BICD1: variants seen among roughly 807,000 people sequenced by gnomAD.
BICD1 encodes BICD cargo adaptor 1.
A neutral mutation model predicts 92.5 loss-of-function variants in BICD1; 35 were observed. The ratio of observed to expected loss-of-function variants is 0.38; its 90% CI spans 0.29 to 0.50. BICD1 has a LOEUF of 0.50. Ranked by LOEUF, BICD1 falls within the 20% of genes least tolerant of loss-of-function variation. BICD1 has a pLI of 0.93. For synonymous variants in BICD1, 429 were observed against 465.1 expected (o/e 0.92, Z 1.00); for missense variants, 950 against 1,189.8 (o/e 0.80, Z 2.97).
At chr12:32,325,954 G>T (rs1948767051) in intron 4 of BICD1, among the ~76,000 whole-genome samples, 1 of 151,800 alleles carries the variant, frequency 6.6e-6, no homozygotes, top group Admixed American at 6.6e-5. Context: ...GTGGTCGTGG[G>T]CGCCTGTAGT....
At chr12:32,283,559 A>G (rs1290854398) in intron 2 of BICD1, among the ~76,000 whole-genome samples, 1 of 152,228 alleles carries the variant, frequency 6.6e-6, no homozygotes, top group Non-Finnish European at 1.5e-5. Flanking sequence ...GTCAGTAAGT[A>G]TGCGATGATG....
chr12:32,276,654 T>C (rs1947283420), intron 2 of BICD1, among the ~76,000 whole-genome samples: 2 of 147,556 alleles, frequency 1.4e-5, no homozygotes, highest in South Asian at 2.3e-4. Context: ...TTTCACTCTA[T>C]TAAATCTTGC....
intron 1 of BICD1, among the ~76,000 whole-genome samples, chr12:32,208,155 C>T (rs2121549764): frequency 6.6e-6 from 1 of 152,300 alleles, no homozygotes; most frequent in Middle Eastern, 3.4e-3. Context: ...TCTCATTTTA[C>T]ACATGAGGTA....
At chr12:32,155,771 A>G (rs908727404) in intron 1 of BICD1, among the ~76,000 whole-genome samples, 1 of 152,260 alleles carries the variant, frequency 6.6e-6, no homozygotes, top group Admixed American at 6.5e-5. Flanking sequence ...ATATTAAGAT[A>G]TAGTCATTTA....
At chr12:32,350,113 G>A (rs1253877675) in intron 8 of BICD1, among the ~76,000 whole-genome samples, 1 of 152,184 alleles carries the variant, frequency 6.6e-6, no homozygotes, top group Non-Finnish European at 1.5e-5. Context: ...CTCCGGCTGT[G>A]AGCATAGCTC....
chr12:32,110,564 A>G (rs929108301), intron 1 of BICD1, among the ~76,000 whole-genome samples: 2 of 152,066 alleles, frequency 1.3e-5, no homozygotes, highest in African/African-American at 4.8e-5. Flanking sequence ...AGTGAGGGTC[A>G]CCCATGCCCA....
At chr12:32,140,896 C>G (rs1165168698) in intron 1 of BICD1, among the ~76,000 whole-genome samples, 1 of 152,124 alleles carries the variant, frequency 6.6e-6, no homozygotes, top group African/African-American at 2.4e-5. Context: ...AATGCGGCGA[C>G]TTAGGTTCTG....
chr12:32,197,572 C>T (rs1944762677), intron 1 of BICD1, among the ~76,000 whole-genome samples: 1 of 152,092 alleles, frequency 6.6e-6, no homozygotes, highest in Non-Finnish European at 1.5e-5. Context: ...TGGCTCTTTA[C>T]CAGGGATGCT....
intron 4 of BICD1, among the ~76,000 whole-genome samples, chr12:32,316,559 C>G (rs1288023430): frequency 3.3e-5 from 5 of 152,072 alleles, no homozygotes; most frequent in Admixed American, 3.3e-4. Context: ...CCTCAGCCTC[C>G]CAAAGTGCTG....
chr12:32,372,888 A>G (rs1194137776), intron 9 of BICD1, among the ~76,000 whole-genome samples: 2 of 152,200 alleles, frequency 1.3e-5, no homozygotes, highest in Non-Finnish European at 2.9e-5. Flanking sequence ...AAAAACAGAA[A>G]AAAAGTAGAA....
intron 1 of BICD1, among the ~76,000 whole-genome samples, chr12:32,196,805 G>T (rs962094911): frequency 3.9e-5 from 6 of 152,138 alleles, no homozygotes; most frequent in African/African-American, 1.4e-4. Flanking sequence ...TGATAACTGG[G>T]TGGTGATGGA....
intron 2 of BICD1, among the ~76,000 whole-genome samples, chr12:32,232,553 A>G (rs997780358): frequency 5.4e-5 from 8 of 148,770 alleles, no homozygotes; most frequent in East Asian, 1.9e-4. Flanking sequence ...GTTCACTCTG[A>G]TGGTAGTTTC....
At chr12:32,302,582 T>A (rs1232282594) in intron 3 of BICD1, among the ~76,000 whole-genome samples, 1 of 152,206 alleles carries the variant, frequency 6.6e-6, no homozygotes, top group Non-Finnish European at 1.5e-5. Flanking sequence ...ATGCTATTTA[T>A]AGTGCCCAGT....
Position 32,304,991 on chromosome 12 carries a change from C to T in BICD1, c.580-706C>T, listed in dbSNP as rs79704810. Among the ~76,000 whole-genome samples the T allele has an allele frequency of 6.5e-3, 989 of 152,326 alleles. 7 individuals carry two copies. Among genetic ancestry groups the T allele is most frequent in the Non-Finnish European group, 9.1e-3 (618 of 68,034 alleles). On this transcript the variant is annotated intron_variant, in intron 3 of 9. Transcript: ENST00000652176. Reference sequence around the variant, plus strand: ...GAGCCATGATCATACCATTGCACCCCAGTCTGGGCAACAGAGCGAGACCCT... The same window carrying T: ...GAGCCATGATCATACCATTGCACCCTAGTCTGGGCAACAGAGCGAGACCCT...
intron 4 of BICD1, among the ~76,000 whole-genome samples, chr12:32,306,420 A>AT (rs1464180699): frequency 6.6e-6 from 1 of 151,408 alleles, no homozygotes; most frequent in Admixed American, 6.6e-5. Context: ...ATTTTTTTGT[A>AT]TTTTTAGTAG....
chr12:32,177,685 A>G (rs761830157), intron 1 of BICD1, among the ~76,000 whole-genome samples: 2 of 145,606 alleles, frequency 1.4e-5, no homozygotes, highest in Non-Finnish European at 3.0e-5. Flanking sequence ...AAAACACATT[A>G]TTAAAGTTAA....
intron 3 of BICD1, among the ~76,000 whole-genome samples, chr12:32,304,844 C>T (rs1414186482): frequency 2.6e-5 from 4 of 151,596 alleles, no homozygotes; most frequent in African/African-American, 7.3e-5. Context: ...ACAGTGAGAC[C>T]GTCTCTACAA....
At chr12:32,268,971 A>G (rs1399126946) in intron 2 of BICD1, among the ~76,000 whole-genome samples, 3 of 152,132 alleles carry the variant, frequency 2.0e-5, no homozygotes, top group Admixed American at 6.5e-5. Flanking sequence ...TACTTGTCAA[A>G]CTGTAGTGTG....
intron 9 of BICD1, among the ~76,000 whole-genome samples, chr12:32,376,605 C>T (rs1045255961): frequency 2.6e-5 from 4 of 151,838 alleles, no homozygotes; most frequent in African/African-American, 4.8e-5. Flanking sequence ...CGGTGGCTCA[C>T]GCCTGTAATC....
Sources: allele counts gnomAD v4.1 joint callset (sites outside exome capture counted in the v4.1 genomes callset), GRCh38; gene constraint gnomAD v4.1.1; transcripts MANE v1.5; gene names NCBI Gene and HGNC (gene_info 2026-07-23, HGNC 2026-07-21).